EPHA3: variants seen among roughly 807,000 people sequenced by gnomAD.
The protein encoded by EPHA3 is EPH receptor A3, also known as ephrin type-A receptor 3.
EPHA3 carries 42 observed loss-of-function variants against 107.1 expected under a neutral mutation model. That is an observed-to-expected ratio of 0.39 (90% CI 0.31 to 0.51). EPHA3 has a LOEUF of 0.51. Ranked by LOEUF, EPHA3 falls within the 20% of genes least tolerant of loss-of-function variation. The pLI, the probability that EPHA3 is intolerant of heterozygous loss-of-function variation, is 0.78. For synonymous variants in EPHA3, 461 were observed against 424.8 expected (o/e 1.09, Z -1.05); for missense variants, 1,183 against 1,211.2 (o/e 0.98, Z 0.35).
intron 3 of EPHA3, among the ~76,000 whole-genome samples, chr3:89,326,769 C>G (rs1301116911): frequency 6.6e-6 from 1 of 151,892 alleles, no homozygotes; most frequent in East Asian, 1.9e-4. Flanking sequence ...AATACAGAGG[C>G]CAACTGCATT....
At chr3:89,128,647 G>A (rs1228140057) in intron 2 of EPHA3, among the ~76,000 whole-genome samples, 2 of 149,686 alleles carry the variant, frequency 1.3e-5, no homozygotes, top group Non-Finnish European at 3.0e-5. Context: ...ATTAGTATAT[G>A]GTATACTGTA....
chr3:89,241,483 C>A (rs904694026), intron 3 of EPHA3, among the ~76,000 whole-genome samples: 1 of 152,114 alleles, frequency 6.6e-6, no homozygotes, highest in Non-Finnish European at 1.5e-5. Flanking sequence ...ATAATGATAA[C>A]ATTTCTACTA....
At chr3:89,218,631 TA>T (rs1704276539) in intron 3 of EPHA3, among the ~76,000 whole-genome samples, 1 of 152,146 alleles carries the variant, frequency 6.6e-6, no homozygotes, top group Non-Finnish European at 1.5e-5. Context: ...GCATGATTTA[TA>T]ATCCTTTGGG....
chr3:89,322,928 TAGGGTGTGGCAA>T lies in EPHA3; in HGVS notation c.815-17984_815-17973del, dbSNP rs527993161. 1.3e-3 allele frequency among the ~76,000 whole-genome samples: 197 copies of T among 152,170 alleles called. 1 individual carries two copies. The highest frequency in any genetic ancestry group is 4.5e-3 in the African/African-American group (186 of 41,550). On this transcript the variant is annotated intron_variant, in intron 3 of 16. Coordinates refer to ENST00000336596, the MANE Select transcript of EPHA3 (RefSeq NM_005233.6). ...TATGGAAATCTCTAGGCTCATAAAG[TAGGGTGTGGCAA>T]AGGACTTGCCATATATCTATTAATA...
intron 3 of EPHA3, among the ~76,000 whole-genome samples, chr3:89,269,573 A>T (rs1434603303): frequency 6.6e-6 from 1 of 150,426 alleles, no homozygotes; most frequent in East Asian, 1.9e-4. Flanking sequence ...GGCATGAGCC[A>T]CCCAGCCAGA....
Position 89,188,323 on chromosome 3 carries a change from C to G in EPHA3, c.154-21537C>G, listed in dbSNP as rs1460457152. On this transcript the variant is annotated intron_variant, in intron 2 of 16. Coordinates refer to ENST00000336596, the MANE Select transcript of EPHA3 (RefSeq NM_005233.6). ...CTGTGGCTCAGTCGTCAACCGTCAC[C>G]TTGCTCATCTTGCAGAAGTATTTGG... Among the ~76,000 whole-genome samples, 14 of 152,288 alleles carry G rather than the reference C, an allele frequency of 9.2e-5. No homozygotes were observed. In the South Asian group the frequency reaches 2.9e-3, roughly 32 times the overall value.
In EPHA3 at chr3:89,171,620, CTCTTT is replaced by C. The variant is rs1188616407; in HGVS notation, c.154-38235_154-38231del. 2.0e-5 allele frequency among the ~76,000 whole-genome samples: 3 copies of C among 152,188 alleles called. No homozygotes were observed. The East Asian group carries it at 5.8e-4, about 29-fold the overall frequency. On this transcript the variant is annotated intron_variant, in intron 2 of 16. Coordinates refer to ENST00000336596, the MANE Select transcript of EPHA3 (RefSeq NM_005233.6). ...TCTATAACTTATTCAGGATTGCACA[CTCTTT>C]TCTTAATTGCTTTAGGGTACAACTT...
intron 5 of EPHA3, among the ~76,000 whole-genome samples, chr3:89,346,007 C>T (rs1386570657): frequency 2.1e-5 from 3 of 144,572 alleles, no homozygotes; most frequent in Non-Finnish European, 3.1e-5. Context: ...TTTCTTAATC[C>T]AGTCTATCAT....
chr3:89,217,791 G>C (rs1190653752), intron 3 of EPHA3, among the ~76,000 whole-genome samples: 1 of 152,122 alleles, frequency 6.6e-6, no homozygotes, highest in African/African-American at 2.4e-5. Context: ...TTAACATGAA[G>C]ACTAACTTTC....
intron 3 of EPHA3, among the ~76,000 whole-genome samples, chr3:89,252,671 A>C (rs1435658739): frequency 6.6e-6 from 1 of 152,084 alleles, no homozygotes; most frequent in African/African-American, 2.4e-5. Context: ...TCAAAGGGGC[A>C]GTTCACTGTG....
intron 3 of EPHA3, among the ~76,000 whole-genome samples, chr3:89,265,508 G>A (rs1411161148): frequency 6.6e-6 from 1 of 151,728 alleles, no homozygotes; most frequent in South Asian, 2.1e-4. Context: ...AATAATTTTG[G>A]CAAAATATGT....
At chr3:89,385,575 A>G (rs1174462300) in intron 5 of EPHA3, among the ~76,000 whole-genome samples, 1 of 152,158 alleles carries the variant, frequency 6.6e-6, no homozygotes, top group Non-Finnish European at 1.5e-5. Flanking sequence ...GAGTTGATTA[A>G]CCCACTTTCC....
chr3:89,389,036 T>G (rs1412744162), intron 5 of EPHA3, among the ~76,000 whole-genome samples: 1 of 152,186 alleles, frequency 6.6e-6, no homozygotes, highest in African/African-American at 2.4e-5. Flanking sequence ...GTGATCAGTT[T>G]TCAGAAAGTT....
At chr3:89,283,369 G>A (rs1705994892) in intron 3 of EPHA3, among the ~76,000 whole-genome samples, 1 of 151,986 alleles carries the variant, frequency 6.6e-6, no homozygotes, top group Non-Finnish European at 1.5e-5. Flanking sequence ...GAGGGAATAT[G>A]GTGGGAAATA....
intron 3 of EPHA3, among the ~76,000 whole-genome samples, chr3:89,334,299 A>G (rs1249676475): frequency 6.6e-6 from 1 of 152,162 alleles, no homozygotes; most frequent in Admixed American, 6.5e-5. Flanking sequence ...TTCTTTTTCA[A>G]GTATATTTGT....
Position 89,359,857 on chromosome 3 carries a change from G to C in EPHA3, c.1306+17767G>C, listed in dbSNP as rs190479107. ...TACATATATATATATGCATATCTTT[G>C]GATTGTTGCAGTGGCCTGAGGGAAT... is the stretch of plus-strand genomic sequence containing the variant. On this transcript the variant is annotated intron_variant, in intron 5 of 16. Coordinates refer to ENST00000336596, the MANE Select transcript of EPHA3 (RefSeq NM_005233.6). Among the ~76,000 whole-genome samples the C allele has an allele frequency of 3.5e-4, 38 of 107,146 alleles. 1 individual carries two copies. The East Asian group carries it at 6.5e-3, about 18-fold the overall frequency. 70.3% of individuals were successfully genotyped at this position (107,146 alleles called of 152,430 possible). A position where few individuals can be genotyped will look rare whatever the true frequency, so the allele number is the denominator to read the frequency against.
intron 3 of EPHA3, among the ~76,000 whole-genome samples, chr3:89,280,084 G>A (rs1705905098): frequency 6.6e-6 from 1 of 151,650 alleles, no homozygotes; most frequent in African/African-American, 2.4e-5. Context: ...TCAGAGATGG[G>A]AACACGGTAT....
At chr3:89,461,325 C>T (rs1710236940) in intron 15 of EPHA3, among the ~76,000 whole-genome samples, 2 of 73,406 alleles carry the variant, frequency 2.7e-5, no homozygotes, top group South Asian at 5.4e-4. Context: ...GATTTATACT[C>T]ATTTGGGTAT....
intron 3 of EPHA3, among the ~76,000 whole-genome samples, chr3:89,337,780 C>G (rs1707427748): frequency 6.6e-6 from 1 of 152,262 alleles, no homozygotes. Context: ...ACTGAATTTC[C>G]TATTCATCTA....
Sources: allele counts gnomAD v4.1 joint callset (sites outside exome capture counted in the v4.1 genomes callset), GRCh38; gene constraint gnomAD v4.1.1; transcripts MANE v1.5; gene names NCBI Gene and HGNC (gene_info 2026-07-23, HGNC 2026-07-21).